The following DLGAP2 variants were observed in gnomAD, a reference collection of about 807,000 sequenced individuals.
The protein encoded by DLGAP2 is DLG associated protein 2.
A neutral mutation model predicts 100.3 loss-of-function variants in DLGAP2; 26 were observed. The ratio of observed to expected loss-of-function variants is 0.26; its 90% confidence interval spans 0.19 to 0.36. The LOEUF (loss-of-function observed/expected upper bound fraction) is 0.36. DLGAP2 is among the 10% of genes least tolerant of loss of function. The probability of loss-of-function intolerance (pLI) is 1.00; values close to 1 mark genes in which losing one functional copy is unlikely to be tolerated. For synonymous variants in DLGAP2, 886 were observed against 630.1 expected (o/e 1.41, Z -6.08); for missense variants, 1,858 against 1,453.2 (o/e 1.28, Z -4.53).
At chr8:1,419,012 T>C (rs62484239) in intron 3 of DLGAP2, among the ~76,000 whole-genome samples, 12,783 of 152,314 alleles carry the variant, frequency 0.084, 912 homozygotes, top group East Asian at 0.35. Context: ...AAGGGGCACA[T>C]GGGGCGAGGC....
chr8:1,222,053 A>T (rs1585164904), intron 2 of DLGAP2, among the ~76,000 whole-genome samples: 1 of 152,202 alleles, frequency 6.6e-6, no homozygotes, highest in Non-Finnish European at 1.5e-5. Context: ...CTTCTGTGCC[A>T]TCCAGATTCT....
intron 6 of DLGAP2, among the ~76,000 whole-genome samples, chr8:1,618,424 G>A (rs917746381): frequency 6.6e-6 from 1 of 152,212 alleles, no homozygotes; most frequent in African/African-American, 2.4e-5. Context: ...AGACTGTGAT[G>A]CATTGGAAGT....
intron 3 of DLGAP2, among the ~76,000 whole-genome samples, chr8:1,429,728 T>C (rs1316082244): frequency 1.3e-5 from 2 of 151,520 alleles, no homozygotes; most frequent in Non-Finnish European, 2.9e-5. Flanking sequence ...AGACCTCTAC[T>C]CCCCAGCTTC....
chr8:1,389,359 C>T (rs1013340639), intron 3 of DLGAP2, among the ~76,000 whole-genome samples: 5 of 151,796 alleles, frequency 3.3e-5, no homozygotes, highest in African/African-American at 4.8e-5. Flanking sequence ...TGCAGCATCC[C>T]GGGGAAGCCA....
intron 3 of DLGAP2, among the ~76,000 whole-genome samples, chr8:1,360,984 A>T (rs1801970804): frequency 6.6e-6 from 1 of 152,196 alleles, no homozygotes; most frequent in Non-Finnish European, 1.5e-5. Flanking sequence ...TGATTACAGA[A>T]AAAGTTTCCA....
chr8:1,192,654 A>T (rs1462733752), intron 2 of DLGAP2, among the ~76,000 whole-genome samples: 2 of 131,762 alleles, frequency 1.5e-5, no homozygotes, highest in Non-Finnish European at 1.6e-5. Flanking sequence ...GGCTTTATGT[A>T]TCTGGTTTCT....
chr8:1,174,570 C>G (rs1322765199), intron 2 of DLGAP2, among the ~76,000 whole-genome samples: 1 of 151,090 alleles, frequency 6.6e-6, no homozygotes, highest in East Asian at 2.0e-4. Flanking sequence ...ATTACCATCA[C>G]CACCACCATT....
At chr8:1,052,497 A>C (rs1002035528) in intron 2 of DLGAP2, among the ~76,000 whole-genome samples, 1 of 152,194 alleles carries the variant, frequency 6.6e-6, no homozygotes, top group Non-Finnish European at 1.5e-5. Flanking sequence ...AGGGAGTATC[A>C]TCTTTGGAGG....
In DLGAP2 at chr8:1,473,954, G is replaced by A. The variant is rs1798867991; in HGVS notation, c.107-27412G>A. On this transcript the variant is annotated intron_variant, in intron 3 of 14. Transcript: ENST00000637795. ...TTTTCTGTGTAAATTACCCAGTCTT[G>A]TATATGTCTTCATCAGCAGCATGAA... Among the ~76,000 whole-genome samples, 2 of 152,126 alleles carry A rather than the reference G, an allele frequency of 1.3e-5. 1 individual carries two copies. Among genetic ancestry groups the A allele is most frequent in the South Asian group, 4.1e-4 (2 of 4,820 alleles).
intron 3 of DLGAP2, among the ~76,000 whole-genome samples, chr8:1,262,029 C>T (rs768696908): frequency 1.2e-4 from 18 of 152,120 alleles, no homozygotes; most frequent in African/African-American, 2.7e-4. Flanking sequence ...AACAGCCTTC[C>T]CTGGCTAAGC....
intron 3 of DLGAP2, among the ~76,000 whole-genome samples, chr8:1,444,444 C>G (rs1365067782): frequency 6.6e-6 from 1 of 152,204 alleles, no homozygotes; most frequent in Non-Finnish European, 1.5e-5. Flanking sequence ...ATATTTAAGG[C>G]CTTCCCTAAC....
chr8:1,002,367 A>G (rs1456304987), intron 2 of DLGAP2: 2 of 152,250 alleles, frequency 1.3e-5, no homozygotes, highest in Admixed American at 6.5e-5. Context: ...AACTAGATGC[A>G]TGCTGCAAAA....
intron 2 of DLGAP2, among the ~76,000 whole-genome samples, chr8:1,208,507 TAACAGCCAACATTATACTG>T (rs1798041366): frequency 6.6e-6 from 1 of 152,174 alleles, no homozygotes; most frequent in African/African-American, 2.4e-5. Context: ...TATGACACAC[TAACAGCCAACATTATACTG>T]AACAGGGAAA....
chr8:1,008,624 A>G (rs1463893968), intron 2 of DLGAP2, among the ~76,000 whole-genome samples: 7 of 152,246 alleles, frequency 4.6e-5, no homozygotes, highest in African/African-American at 7.2e-5. Context: ...GTGGAAGCCA[A>G]TGTCCTTTGC....
intron 10 of DLGAP2, 96 bp downstream of exon 10, chr8:1,669,880 C>G: frequency 1.3e-6 from 1 of 762,624 alleles, no homozygotes; most frequent in East Asian, 2.5e-5. Context: ...TCGCCTCTGT[C>G]CTGATTCTAT....
At chr8:1,557,458 C>T (rs1280888969) in intron 5 of DLGAP2, among the ~76,000 whole-genome samples, 1 of 152,026 alleles carries the variant, frequency 6.6e-6, no homozygotes, top group Non-Finnish European at 1.5e-5. Context: ...GGGCAGAGGG[C>T]AGGGGTGAGC....
chr8:1,526,535 T>G (rs903279708), intron 4 of DLGAP2, among the ~76,000 whole-genome samples: 1 of 152,202 alleles, frequency 6.6e-6, no homozygotes, highest in African/African-American at 2.4e-5. Context: ...TACAATCATT[T>G]GAACAAGCAA....
At chr8:1,294,172 G>C (rs913668707) in intron 3 of DLGAP2, among the ~76,000 whole-genome samples, 1 of 152,152 alleles carries the variant, frequency 6.6e-6, no homozygotes. Flanking sequence ...TCTTCCCTCA[G>C]GGTCCCACAG....
At chr8:1,051,546 A>T (rs1456094682) in intron 2 of DLGAP2, among the ~76,000 whole-genome samples, 1 of 152,244 alleles carries the variant, frequency 6.6e-6, no homozygotes, top group East Asian at 1.9e-4. Flanking sequence ...TGTCAAAAAG[A>T]CACAACAGAG....
Sources: gnomAD v4.1 joint callset for allele counts (sites outside exome capture counted in the v4.1 genomes callset) on GRCh38, gnomAD v4.1.1 for gene constraint, MANE v1.5 for transcripts, NCBI Gene and HGNC (gene_info 2026-07-23, HGNC 2026-07-21) for gene names.